The following SCHIP1 variants were observed in gnomAD, a reference collection of about 807,000 sequenced individuals.
SCHIP1 encodes the protein schwannomin-interacting protein 1.
Under a neutral mutation model 29.7 loss-of-function variants are expected in SCHIP1, and 8 were observed. That is an observed-to-expected ratio of 0.27 (90% confidence interval 0.16 to 0.49). The LOEUF (loss-of-function observed/expected upper bound fraction) is 0.49, where lower values mean the gene tolerates loss of function less well. Ranked by LOEUF, SCHIP1 falls within the 20% of genes least tolerant of loss-of-function variation. SCHIP1 has a pLI of 0.99. For missense variants in SCHIP1, 193 were observed against 294.6 expected (o/e 0.66, Z 2.52); for synonymous variants, 76 against 94.9 (o/e 0.80, Z 1.16).
the SCHIP1 span, chr3:159,306,536 T>A: frequency 1.5e-6 from 1 of 688,158 alleles, no homozygotes. Flanking sequence ...GGTCATGCCA[T>A]CATGTGTGGG....
chr3:159,441,468 GT>G, the SCHIP1 span, among the ~76,000 whole-genome samples: 1 of 151,830 alleles, frequency 6.6e-6, no homozygotes, highest in Non-Finnish European at 1.5e-5. Context: ...AAGCAGCCAG[GT>G]TTTTTTTGGC....
At chr3:159,768,569 CT>C in the SCHIP1 span, 1 of 152,256 alleles carries the variant, frequency 6.6e-6, no homozygotes, top group Non-Finnish European at 1.5e-5. Context: ...AAACCTAGCA[CT>C]GACCTTCACT....
chr3:159,520,517 A>G, the SCHIP1 span, among the ~76,000 whole-genome samples: 1 of 152,232 alleles, frequency 6.6e-6, no homozygotes, highest in Non-Finnish European at 1.5e-5. Context: ...CTGCTTTGGA[A>G]GAGCCCAAAT....
At chr3:159,733,250 T>C in the SCHIP1 span, among the ~76,000 whole-genome samples, 1 of 152,206 alleles carries the variant, frequency 6.6e-6, no homozygotes, top group Admixed American at 6.5e-5. Context: ...GTCTGGAGCC[T>C]GGTACAATAT....
At chr3:159,316,814 G>T in the SCHIP1 span, among the ~76,000 whole-genome samples, 68 of 152,174 alleles carry the variant, frequency 4.5e-4, no homozygotes, top group Non-Finnish European at 1.8e-4. Context: ...AAAAGGAAAT[G>T]AAGATATTTT....
At chr3:159,835,784 C>T (rs1236852164), upstream of SCHIP1, among the ~76,000 whole-genome samples, 6 of 152,128 alleles carry the variant, frequency 3.9e-5, no homozygotes, top group Non-Finnish European at 1.5e-5. Context: ...GTTCCTGACC[C>T]AGGCTATTCA....
At chr3:159,403,136 T>C in the SCHIP1 span, among the ~76,000 whole-genome samples, 5 of 152,064 alleles carry the variant, frequency 3.3e-5, no homozygotes, top group African/African-American at 9.7e-5. Flanking sequence ...ATTCCTTTAA[T>C]GGGCAAATAA....
chr3:159,609,587 T>C, the SCHIP1 span, among the ~76,000 whole-genome samples: 2 of 152,040 alleles, frequency 1.3e-5, no homozygotes. Context: ...TTGTAAGTGA[T>C]AAGTGCCACT....
At chr3:159,674,043 T>C in the SCHIP1 span, among the ~76,000 whole-genome samples, 4 of 152,268 alleles carry the variant, frequency 2.6e-5, no homozygotes, top group East Asian at 7.7e-4. Context: ...AAACCGTCTC[T>C]TTACATATTT....
the SCHIP1 span, among the ~76,000 whole-genome samples, chr3:159,480,408 G>A: frequency 4.3e-4 from 65 of 152,236 alleles, no homozygotes; most frequent in African/African-American, 1.3e-3. Flanking sequence ...CCAAAACATA[G>A]ACAAATCCAA....
At chr3:159,339,312 T>G in the SCHIP1 span, among the ~76,000 whole-genome samples, 1 of 151,916 alleles carries the variant, frequency 6.6e-6, no homozygotes, top group Non-Finnish European at 1.5e-5. Context: ...CTGTGATGCT[T>G]GGTCACACAT....
the SCHIP1 span, among the ~76,000 whole-genome samples, chr3:159,330,915 G>A: frequency 0.024 from 3,580 of 152,002 alleles, 146 homozygotes; most frequent in African/African-American, 0.083. Context: ...AGGTGAGCTC[G>A]TTCCCTCCTT....
chr3:159,784,630 A>G, the SCHIP1 span, among the ~76,000 whole-genome samples: 1 of 152,172 alleles, frequency 6.6e-6, no homozygotes, highest in Non-Finnish European at 1.5e-5. Flanking sequence ...TGCTTTAGTT[A>G]TCCTGTAGAA....
the SCHIP1 span, among the ~76,000 whole-genome samples, chr3:159,483,245 C>G: frequency 4.3e-3 from 652 of 152,206 alleles, 3 homozygotes; most frequent in African/African-American, 0.015. Flanking sequence ...TGATTTCTAT[C>G]CGAAAGACAA....
the SCHIP1 span, among the ~76,000 whole-genome samples, chr3:159,679,152 G>A: frequency 1.3e-5 from 2 of 152,004 alleles, no homozygotes; most frequent in African/African-American, 2.4e-5. Context: ...GACTGTCTCT[G>A]CTCTTCAAGC....
chr3:159,627,196 A>G, the SCHIP1 span, among the ~76,000 whole-genome samples: 1 of 152,170 alleles, frequency 6.6e-6, no homozygotes, highest in Admixed American at 6.5e-5. Flanking sequence ...ATGTCCCCGC[A>G]AAGACTGTGG....
At chr3:159,576,983 G>T in the SCHIP1 span, among the ~76,000 whole-genome samples, 2 of 152,054 alleles carry the variant, frequency 1.3e-5, no homozygotes, top group African/African-American at 4.8e-5. Context: ...TAGCTTAAAG[G>T]TACACATATA....
At chr3:159,676,643 C>T in the SCHIP1 span, among the ~76,000 whole-genome samples, 14 of 151,606 alleles carry the variant, frequency 9.2e-5, no homozygotes, top group African/African-American at 3.4e-4. Context: ...TGGACTAACC[C>T]TCAAAACCCA....
At chr3:159,526,253 T>G in the SCHIP1 span, among the ~76,000 whole-genome samples, 1 of 152,186 alleles carries the variant, frequency 6.6e-6, no homozygotes, top group Non-Finnish European at 1.5e-5. Context: ...ACTGCAGCCT[T>G]GACCTCCTGG....
Sources: gnomAD v4.1 joint callset for allele counts (sites outside exome capture counted in the v4.1 genomes callset) on GRCh38, gnomAD v4.1.1 for gene constraint, MANE v1.5 for transcripts, NCBI Gene and HGNC (gene_info 2026-07-23, HGNC 2026-07-21) for gene names.